Variants in DESI1 observed in about 807,000 individuals in gnomAD.
DESI1 encodes desumoylating isopeptidase 1, also known as PPPDE peptidase domain containing 2.
Under a neutral mutation model 22.4 loss-of-function variants are expected in DESI1, and 17 were observed. The observed-to-expected ratio is 0.76, with a 90% CI of 0.52 to 1.14. The LOEUF (loss-of-function observed/expected upper bound fraction) is 1.14. DESI1 is among the 50% of genes most tolerant of loss of function. The pLI is 0.00. For synonymous variants in DESI1, 92 were observed against 84.2 expected (o/e 1.09, Z -0.51); for missense variants, 177 against 208.9 (o/e 0.85, Z 0.94).
chr22:41,613,636 C>G (rs1049379645), intron 1 of DESI1, among the ~76,000 whole-genome samples: 1 of 152,218 alleles, frequency 6.6e-6, no homozygotes, highest in African/African-American at 2.4e-5. Flanking sequence ...CTATTGAGGA[C>G]AAAGTTCCTA....
At chr22:41,603,231 C>T (rs2067459246) in intron 5 of DESI1, 28 bp downstream of exon 5, 6 of 1,613,680 alleles carry the variant, frequency 3.7e-6, no homozygotes, top group Non-Finnish European at 5.1e-6. Flanking sequence ...TTGGCCAAGG[C>T]AGGGGCAGGG....
At chr22:41,611,838 G>A (rs946281901) in intron 1 of DESI1, among the ~76,000 whole-genome samples, 4 of 151,860 alleles carry the variant, frequency 2.6e-5, no homozygotes, top group Admixed American at 6.6e-5. Context: ...TGATCCGCCC[G>A]CCTCGGCCTC....
At position 41,601,096 on chromosome 22, in the gene DESI1, G is replaced by A. The variant is rs377733800; in HGVS notation, c.*1C>T. On this transcript the variant is annotated 3_prime_UTR_variant, in exon 6 of 6. Coordinates refer to ENST00000263256, the MANE Select transcript of DESI1 (RefSeq NM_015704.3). ...AGGCAGGGCGGTCCCAGGCAGTCCT[G>A]TTAGCTCTGGCCGTTGGGTCTGCCC... 5.6e-6 allele frequency: 9 copies of A among 1,612,716 alleles called. No homozygotes were observed. The African/African-American group carries it at 9.3e-5, about 17-fold the overall frequency.
chr22:41,615,462 G>A (rs1040126475), intron 1 of DESI1, among the ~76,000 whole-genome samples: 1 of 151,558 alleles, frequency 6.6e-6, no homozygotes, highest in Non-Finnish European at 1.5e-5. Flanking sequence ...GAATCACGCA[G>A]GGCCTTGTAA....
In DESI1 at chr22:41,604,284, TC is replaced by T. The variant is rs2067466589; in HGVS notation, c.181-132del. 5.7e-6 allele frequency: 4 copies of T among 706,642 alleles called. No individual in the cohort carries two copies. The South Asian group carries it at 6.9e-5, about 12-fold the overall frequency. 43.8% of individuals were successfully genotyped at this position (706,642 alleles called of 1,614,324 possible). On this transcript the variant is annotated intron_variant, in intron 3 of 5. Coordinates refer to ENST00000263256, the MANE Select transcript of DESI1 (RefSeq NM_015704.3). The stretch of plus-strand genomic sequence containing the variant: ...TTTTTTTTTTTTTTTAGACGGAGTT[TC>T]TCTCGTCACCCAGGCTGGAGTATAA...
Position 41,598,552 on chromosome 22 carries a change from CAA to C in DESI1, c.*2543_*2544del, listed in dbSNP as rs1452336649. The C allele has an allele frequency of 6.6e-6, 1 of 152,362 alleles. No individual in the cohort carries two copies. Among genetic ancestry groups the C allele is most frequent in the East Asian group, 1.9e-4 (1 of 5,196 alleles). 9.4% of individuals were successfully genotyped at this position (152,362 alleles called of 1,614,324 possible). A position where few individuals can be genotyped will look rare whatever the true frequency, so the allele number is the denominator to read the frequency against. On this transcript the variant is annotated 3_prime_UTR_variant, in exon 6 of 6. Coordinates refer to ENST00000263256, the MANE Select transcript of DESI1 (RefSeq NM_015704.3). The stretch of plus-strand genomic sequence containing the variant: ...GTGCTGTTCAAGGAAATGAGTGACT[CAA>C]ATTCTCTCAGGGGAGCTGCTCCTGG...
chr22:41,603,288 G>A lies in DESI1; in HGVS notation c.384C>T (p.Ile128=), dbSNP rs752169314. Residue 128 remains isoleucine, a synonymous_variant, in exon 5 of 6, where the codon ATC becomes ATT. Coordinates refer to ENST00000263256, the MANE Select transcript of DESI1 (RefSeq NM_015704.3). ...FLTGRKIPSY[I]TDLPSEVLST... ...AGAGAACTTCAGAGGGCAGGTCTGT[G>A]ATGTAAGAAGGAATCTTCCGCCCAG... 1.9e-6 allele frequency: 3 copies of A among 1,614,224 alleles called. 1 individual carries two copies. The highest frequency in any genetic ancestry group is 2.2e-5 in the South Asian group (2 of 91,086).
Position 41,604,102 on chromosome 22 carries a change from C to G in DESI1, c.232G>C (p.Glu78Gln). ...TCCAGAAAGATTTCTTCTGTGACTT[C>G]TGTACTCCCCACATCAACCACAGAG... ...PDSVVDVGST[E>Q]VTEEIFLEYL... The change falls in exon 4 of 6, where the codon GAA becomes CAA. Residue 78 changes from glutamate (E) to glutamine (Q), a missense_variant. By Grantham distance (29) the Glu-to-Gln change is conservative. Transcript: ENST00000263256. 6.2e-7 allele frequency: 1 copy of G among 1,614,026 alleles called. No homozygotes were observed. Among genetic ancestry groups the G allele is most frequent in the South Asian group, 1.1e-5 (1 of 91,082 alleles).
chr22:41,606,960 TGTGC>T (rs1288115014), intron 3 of DESI1, among the ~76,000 whole-genome samples: 40 of 151,902 alleles, frequency 2.6e-4, no homozygotes, highest in African/African-American at 9.0e-4. Context: ...AGCCGGACAC[TGTGC>T]AGGGGATGGA....
intron 1 of DESI1, among the ~76,000 whole-genome samples, chr22:41,618,360 T>TAAA (rs132769): frequency 7.0e-6 from 1 of 142,762 alleles, no homozygotes; most frequent in African/African-American, 2.6e-5. Flanking sequence ...AAGACTCGTC[T>TAAA]AAAAAAAAAA....
intron 1 of DESI1, among the ~76,000 whole-genome samples, chr22:41,609,034 C>G (rs13054317): frequency 6.6e-6 from 1 of 152,132 alleles, no homozygotes; most frequent in African/African-American, 2.4e-5. Context: ...CTCTGCCCCC[C>G]GGGTTCAAGT....
Position 41,620,864 on chromosome 22 carries a change from C to T in DESI1, c.-25G>A. The T allele has an allele frequency of 1.9e-6, 3 of 1,591,958 alleles. No individual in the cohort carries two copies. Among genetic ancestry groups the T allele is most frequent in the Non-Finnish European group, 2.6e-6 (3 of 1,169,962 alleles). On this transcript the variant is annotated 5_prime_UTR_variant, in exon 1 of 6. In the 5' UTR this introduces an upstream ATG that the reference lacks. Coordinates refer to ENST00000263256, the MANE Select transcript of DESI1 (RefSeq NM_015704.3). The stretch of plus-strand genomic sequence containing the variant: ...TTGGGACCCGTGGCGACGGCGGCCA[C>T]GACGGCCCTCGGGCACCCGGCAGCG...
intron 1 of DESI1, among the ~76,000 whole-genome samples, chr22:41,611,768 T>C (rs954977643): frequency 2.0e-5 from 3 of 151,876 alleles, no homozygotes; most frequent in Non-Finnish European, 4.4e-5. Context: ...AATTTTTCTA[T>C]TTTTAGTAGA....
chr22:41,617,930 T>C (rs989295275), intron 1 of DESI1, among the ~76,000 whole-genome samples: 1 of 152,216 alleles, frequency 6.6e-6, no homozygotes, highest in Non-Finnish European at 1.5e-5. Context: ...GGCCAGACTC[T>C]TTCCTGTCTC....
intron 1 of DESI1, among the ~76,000 whole-genome samples, chr22:41,616,237 C>G (rs1275348708): frequency 1.3e-5 from 2 of 152,128 alleles, no homozygotes; most frequent in Non-Finnish European, 2.9e-5. Flanking sequence ...GAGTGAAACT[C>G]TGCCTCAAAA....
At chr22:41,615,086 C>T (rs1381910857) in intron 1 of DESI1, among the ~76,000 whole-genome samples, 1 of 150,476 alleles carries the variant, frequency 6.6e-6, no homozygotes, top group African/African-American at 2.4e-5. Context: ...ATCACGAGGT[C>T]AGGAGATCAA....
chr22:41,610,701 C>T (rs141087283), intron 1 of DESI1, among the ~76,000 whole-genome samples: 7,513 of 150,692 alleles, frequency 0.05, 611 homozygotes, highest in African/African-American at 0.17. Flanking sequence ...GATGAAACCC[C>T]GTCTCTACTA....
At position 41,620,941 on chromosome 22, in the gene DESI1, G is replaced by T. The variant is rs1037102561; in HGVS notation, c.-102C>A. On this transcript the variant is annotated 5_prime_UTR_variant, in exon 1 of 6. Coordinates refer to ENST00000263256, the MANE Select transcript of DESI1 (RefSeq NM_015704.3). ...AGTGCGAAGCGGAGGGAGAGGGGGG[G>T]ACCGAGCCCGGGCCCGGGCTGAGGG... 3.8e-6 allele frequency: 5 copies of T among 1,326,410 alleles called. No homozygotes were observed. Among genetic ancestry groups the T allele is most frequent in the Admixed American group, 2.2e-5 (1 of 46,268 alleles). The allele number at this position is 1,326,410 out of a possible 1,614,324, so 82.2% of individuals were successfully genotyped here.
intron 5 of DESI1, chr22:41,603,039 G>A: frequency 1.4e-6 from 1 of 704,870 alleles, no homozygotes; most frequent in Non-Finnish European, 2.2e-6. Context: ...TTCTGTGGTT[G>A]CACTTAGGCC....
Sources: gnomAD v4.1 joint callset for allele counts (sites outside exome capture counted in the v4.1 genomes callset) on GRCh38, gnomAD v4.1.1 for gene constraint, MANE v1.5 for transcripts, NCBI Gene and HGNC (gene_info 2026-07-23, HGNC 2026-07-21) for gene names.